Variants in CDK14 observed in about 807,000 individuals in gnomAD.
CDK14 encodes cyclin-dependent kinase 14.
A neutral mutation model predicts 60.7 loss-of-function variants in CDK14; 34 were observed. The observed-to-expected ratio is 0.56, with a 90% CI of 0.43 to 0.75. The LOEUF is 0.75. CDK14 is among the 30% of genes least tolerant of loss of function. The probability of loss-of-function intolerance (pLI) is 0.00; values close to 1 mark genes in which losing one functional copy is unlikely to be tolerated. For missense variants in CDK14, 482 were observed against 564.1 expected, an observed-to-expected ratio of 0.85 and a Z score of 1.47; for synonymous variants, 197 against 203.7, an observed-to-expected ratio of 0.97 and a Z score of 0.28.
intron 8 of CDK14, among the ~76,000 whole-genome samples, chr7:90,950,199 C>T (rs1310246063): frequency 2.0e-5 from 3 of 152,170 alleles, no homozygotes; most frequent in African/African-American, 7.2e-5. Flanking sequence ...GCCTCAGCCT[C>T]TCGAGTACCT....
chr7:90,690,117 TA>T (rs1316451850), intron 2 of CDK14, among the ~76,000 whole-genome samples: 1 of 152,196 alleles, frequency 6.6e-6, no homozygotes, highest in East Asian at 1.9e-4. Context: ...TCATTTGTAC[TA>T]GGCATAATTT....
chr7:91,111,603 A>G (rs1799470077), intron 12 of CDK14, among the ~76,000 whole-genome samples: 1 of 152,190 alleles, frequency 6.6e-6, no homozygotes, highest in South Asian at 2.1e-4. Context: ...CAAGTGATCC[A>G]CTGCCATCTC....
At chr7:90,909,333 A>G (rs1260399316) in intron 7 of CDK14, among the ~76,000 whole-genome samples, 1 of 152,070 alleles carries the variant, frequency 6.6e-6, no homozygotes, top group African/African-American at 2.4e-5. Flanking sequence ...TAGCTATTAA[A>G]TCCAACAGCT....
intron 2 of CDK14, among the ~76,000 whole-genome samples, chr7:90,640,969 A>G (rs1006990388): frequency 4.6e-5 from 7 of 152,136 alleles, no homozygotes; most frequent in African/African-American, 1.7e-4. Context: ...GAGGATATAC[A>G]CATGGCCAAT....
chr7:90,933,742 A>G (rs540775542), intron 8 of CDK14, among the ~76,000 whole-genome samples: 22 of 152,158 alleles, frequency 1.4e-4, no homozygotes, highest in Admixed American at 2.6e-4. Context: ...GGCTCAGTAT[A>G]AGTAAAGGTA....
chr7:90,984,268 GA>G (rs1353845685), intron 10 of CDK14, 27 bp downstream of exon 10: 8 of 1,478,772 alleles, frequency 5.4e-6, no homozygotes, highest in Admixed American at 1.7e-5. Flanking sequence ...GTATTTCTAA[GA>G]AAAATTGGTT....
At chr7:90,709,568 T>C (rs763162293) in intron 2 of CDK14, 3 of 1,613,328 alleles carry the variant, frequency 1.9e-6, no homozygotes, top group Non-Finnish European at 2.5e-6. Context: ...GCTGCAATGC[T>C]GCTGCAGAGC....
At chr7:90,988,224 GAACATAATA>G (rs547452216) in intron 10 of CDK14, among the ~76,000 whole-genome samples, 179 of 152,126 alleles carry the variant, frequency 1.2e-3, no homozygotes, top group African/African-American at 4.1e-3. Flanking sequence ...TTCATTTCTG[GAACATAATA>G]ACCATGTTCA....
chr7:90,637,124 C>G (rs1465817351), intron 2 of CDK14, among the ~76,000 whole-genome samples: 1 of 151,964 alleles, frequency 6.6e-6, no homozygotes, highest in African/African-American at 2.4e-5. Context: ...TTTTCTTGGT[C>G]TCTATTTCCT....
chr7:90,636,588 A>C lies in CDK14; in HGVS notation c.123+32339A>C, dbSNP rs992611725. On this transcript the variant is annotated intron_variant, in intron 2 of 14. Transcript: ENST00000380050. ...AATGTTCATCAAGGATATTGGTCTA[A>C]AATTCTCTTTTTTGGTTGTATCTCT... is the stretch of plus-strand genomic sequence containing the variant. Among the ~76,000 whole-genome samples, 6 of 151,842 alleles carry C rather than the reference A, an allele frequency of 4.0e-5. No homozygotes were observed. In the East Asian group the frequency reaches 1.2e-3, roughly 30 times the overall value.
At chr7:91,069,798 TTTGTTTG>T (rs1798084524) in intron 11 of CDK14, among the ~76,000 whole-genome samples, 1 of 152,166 alleles carries the variant, frequency 6.6e-6, no homozygotes. Flanking sequence ...TTTAAAATTT[TTTGTTTG>T]TTGTTTGTTA....
At chr7:90,877,477 G>GT (rs1249142293) in intron 6 of CDK14, among the ~76,000 whole-genome samples, 1 of 152,016 alleles carries the variant, frequency 6.6e-6, no homozygotes, top group Non-Finnish European at 1.5e-5. Context: ...CATCTTTTGG[G>GT]TTTTTCCTTT....
chr7:91,110,462 C>T (rs803157), intron 12 of CDK14, among the ~76,000 whole-genome samples: 58,821 of 151,866 alleles, frequency 0.39, 11,462 homozygotes, highest in Admixed American at 0.44. Flanking sequence ...TTCATGGCTT[C>T]TTGGAACTGG....
At chr7:90,963,693 C>CTT (rs1794670639) in intron 9 of CDK14, among the ~76,000 whole-genome samples, 1 of 116,460 alleles carries the variant, frequency 8.6e-6, no homozygotes, top group Non-Finnish European at 1.9e-5. Flanking sequence ...TTTTTTTTTT[C>CTT]TTTTTTCTTT....
At chr7:90,796,924 A>G (rs1446388797) in intron 5 of CDK14, among the ~76,000 whole-genome samples, 2 of 152,024 alleles carry the variant, frequency 1.3e-5, no homozygotes, top group Admixed American at 6.5e-5. Flanking sequence ...AAGGCAAGGT[A>G]GAAACTCCCA....
At chr7:90,899,494 A>G (rs1390404983) in intron 7 of CDK14, 141 bp downstream of exon 7, 2 of 492,658 alleles carry the variant, frequency 4.1e-6, no homozygotes, top group Non-Finnish European at 7.0e-6. Context: ...TGAACCAGTC[A>G]TTGCTTCAGT....
intron 3 of CDK14, among the ~76,000 whole-genome samples, chr7:90,744,480 C>T (rs1461038309): frequency 3.3e-5 from 5 of 152,246 alleles, no homozygotes; most frequent in Non-Finnish European, 7.3e-5. Flanking sequence ...TTCTATTCCA[C>T]AAAACCGCCA....
intron 5 of CDK14, among the ~76,000 whole-genome samples, chr7:90,802,236 T>C (rs993876384): frequency 1.3e-5 from 2 of 152,246 alleles, no homozygotes; most frequent in African/African-American, 4.8e-5. Flanking sequence ...CATTTGACCC[T>C]GTGTAGTAGG....
At chr7:91,025,260 G>T (rs1796539713) in intron 10 of CDK14, among the ~76,000 whole-genome samples, 1 of 152,076 alleles carries the variant, frequency 6.6e-6, no homozygotes, top group Non-Finnish European at 1.5e-5. Flanking sequence ...CTGGCACTTT[G>T]TTCTTCTGAC....
Sources: allele counts gnomAD v4.1 joint callset (sites outside exome capture counted in the v4.1 genomes callset), GRCh38; gene constraint gnomAD v4.1.1; transcripts MANE v1.5; gene names NCBI Gene and HGNC (gene_info 2026-07-23, HGNC 2026-07-21).